Variants in CEP63 observed in about 807,000 individuals in gnomAD.
The protein encoded by CEP63 is centrosomal protein 63, also known as centrosomal protein of 63 kDa.
In CEP63, 84 loss-of-function variants were observed where a neutral mutation model predicts 89.1. The observed-to-expected ratio is 0.94, with a 90% confidence interval of 0.79 to 1.13. The LOEUF (loss-of-function observed/expected upper bound fraction) is 1.13, where lower values mean the gene tolerates loss of function less well. CEP63 is among the 50% of genes most tolerant of loss of function. CEP63 has a pLI of 0.00. For synonymous variants in CEP63, 267 were observed against 272.5 expected, an observed-to-expected ratio of 0.98 and a Z score of 0.20; for missense variants, 838 against 813.3, an observed-to-expected ratio of 1.03 and a Z score of -0.37.
chr3:134,508,971 C>T (rs1320819230), intron 3 of CEP63, among the ~76,000 whole-genome samples: 10 of 142,352 alleles, frequency 7.0e-5, no homozygotes, highest in Admixed American at 7.0e-5. Flanking sequence ...TTCTTTCTTG[C>T]TTTTTTTTTT....
the CEP63 span, chr3:134,607,468 C>A: frequency 5.0e-5 from 49 of 985,630 alleles, 1 homozygote; most frequent in East Asian, 2.2e-3. Flanking sequence ...GACCTCCTGT[C>A]CTGGGCGGAT....
chr3:134,707,082 G>T, the CEP63 span, among the ~76,000 whole-genome samples: 2,443 of 152,248 alleles, frequency 0.016, 61 homozygotes, highest in African/African-American at 0.054. Context: ...TATCTTTTTA[G>T]GGGACACTAT....
intron 2 of CEP63, among the ~76,000 whole-genome samples, chr3:134,503,345 A>T (rs944695782): frequency 4.0e-5 from 6 of 151,898 alleles, no homozygotes; most frequent in African/African-American, 1.5e-4. Context: ...CTTAATCTTG[A>T]TTTTTAGCTT....
At chr3:134,751,214 T>A in the CEP63 span, among the ~76,000 whole-genome samples, 1 of 152,376 alleles carries the variant, frequency 6.6e-6, no homozygotes, top group Admixed American at 6.5e-5. Context: ...TGTTGTAGAA[T>A]GTACTTCATT....
In CEP63 at chr3:134,574,955, G is replaced by A. The variant is rs1958162714; in HGVS notation, c.*64G>A. ...CAATGAAACAAGAATCTCAATTAGAGTCTTTATATACAATCTGTACTGTTG... is the reference window on the plus strand; with the variant it reads ...CAATGAAACAAGAATCTCAATTAGAATCTTTATATACAATCTGTACTGTTG... On this transcript the variant is annotated 3_prime_UTR_variant, in exon 12 of 12. Coordinates refer to the CEP63 transcript ENST00000354446. 3.2e-5 allele frequency: 15 copies of A among 474,460 alleles called. No homozygotes were observed. In the South Asian group the frequency reaches 4.5e-4, roughly 14 times the overall value. The allele number at this position is 474,460 out of a possible 1,614,324, so 29.4% of individuals were successfully genotyped here. A position where few individuals can be genotyped will look rare whatever the true frequency, so the allele number is the denominator to read the frequency against.
At chr3:134,629,665 C>T in the CEP63 span, 37 of 1,598,830 alleles carry the variant, frequency 2.3e-5, no homozygotes, top group Admixed American at 5.2e-5. Context: ...CATGGCATCT[C>T]GAGGGTGGAC....
At chr3:134,687,166 C>T in the CEP63 span, among the ~76,000 whole-genome samples, 1 of 152,194 alleles carries the variant, frequency 6.6e-6, no homozygotes, top group Admixed American at 6.5e-5. Flanking sequence ...GCTCTCTGTG[C>T]TTTCATTGTA....
At chr3:134,717,658 T>C in the CEP63 span, among the ~76,000 whole-genome samples, 3 of 152,224 alleles carry the variant, frequency 2.0e-5, no homozygotes, top group Non-Finnish European at 4.4e-5. Context: ...AAAATATGTC[T>C]GTTTCCACTT....
intron 6 of CEP63, among the ~76,000 whole-genome samples, chr3:134,540,205 A>G (rs1951707959): frequency 6.6e-6 from 1 of 152,188 alleles, no homozygotes; most frequent in Admixed American, 6.5e-5. Context: ...GTACTATGCT[A>G]AGCACGTCAC....
At chr3:134,553,696 T>G (rs1432158228) in intron 12 of CEP63, 1 of 152,216 alleles carries the variant, frequency 6.6e-6, no homozygotes, top group Non-Finnish European at 1.5e-5. Flanking sequence ...AATGAGAAAG[T>G]GAATTGATAC....
intron 8 of CEP63, 42 bp from the exon 9 acceptor site, chr3:134,547,293 C>T (rs1424566403): frequency 7.5e-6 from 12 of 1,596,978 alleles, no homozygotes; most frequent in Admixed American, 1.7e-5. Flanking sequence ...TTTTTGTTTG[C>T]AGAGATAAAG....
At chr3:134,755,076 T>G in the CEP63 span, among the ~76,000 whole-genome samples, 91 of 151,994 alleles carry the variant, frequency 6.0e-4, no homozygotes, top group African/African-American at 2.0e-3. Flanking sequence ...GCCACAGGAG[T>G]CATTAGGTCA....
At chr3:134,710,089 C>A in the CEP63 span, among the ~76,000 whole-genome samples, 41 of 152,306 alleles carry the variant, frequency 2.7e-4, no homozygotes, top group Admixed American at 7.8e-4. Flanking sequence ...TGGGGACCCA[C>A]GCTTCAGTTC....
the CEP63 span, among the ~76,000 whole-genome samples, chr3:134,672,021 T>C: frequency 4.6e-5 from 7 of 152,294 alleles, no homozygotes; most frequent in South Asian, 1.5e-3. Context: ...TGTCAAGTAA[T>C]ACCTCAACAA....
At chr3:134,765,960 T>C in the CEP63 span, among the ~76,000 whole-genome samples, 2 of 152,216 alleles carry the variant, frequency 1.3e-5, no homozygotes, top group African/African-American at 4.8e-5. Context: ...CAGGGAGCGT[T>C]GTTTCTTCAT....
At chr3:134,506,182 C>T (rs1348676898) in intron 2 of CEP63, among the ~76,000 whole-genome samples, 3 of 152,178 alleles carry the variant, frequency 2.0e-5, no homozygotes, top group African/African-American at 7.2e-5. Context: ...TCTAATATAT[C>T]TGTGTCCACT....
chr3:134,546,382 C>A, intron 8 of CEP63, 94 bp downstream of exon 8: 1 of 1,188,548 alleles, frequency 8.4e-7, no homozygotes, highest in Non-Finnish European at 1.2e-6. Flanking sequence ...ATTTTATTTT[C>A]AGATAGTCTC....
chr3:134,680,048 G>A, the CEP63 span, among the ~76,000 whole-genome samples: 1 of 152,106 alleles, frequency 6.6e-6, no homozygotes, highest in Admixed American at 6.5e-5. Flanking sequence ...ATAATAAAAG[G>A]AGATTAAGAC....
the CEP63 span, among the ~76,000 whole-genome samples, chr3:134,778,190 T>C: frequency 6.6e-6 from 1 of 150,376 alleles, no homozygotes; most frequent in Admixed American, 6.6e-5. Flanking sequence ...CTCTGTCTCC[T>C]GGGTTCAAGC....
Sources: gnomAD v4.1 joint callset for allele counts (sites outside exome capture counted in the v4.1 genomes callset) on GRCh38, gnomAD v4.1.1 for gene constraint, MANE v1.5 for transcripts, NCBI Gene and HGNC (gene_info 2026-07-23, HGNC 2026-07-21) for gene names.